The following JARID2 variants were observed in gnomAD, a reference collection of about 807,000 sequenced individuals.
JARID2 encodes the protein jumonji and AT-rich interaction domain containing 2.
In JARID2, 21 loss-of-function variants were observed where a neutral mutation model predicts 125.6. That is an observed-to-expected ratio of 0.17 (90% CI 0.12 to 0.24). The LOEUF (loss-of-function observed/expected upper bound fraction) is 0.24, where lower values mean the gene tolerates loss of function less well. JARID2 is among the 10% of genes least tolerant of loss of function. The pLI is 1.00. For synonymous variants in JARID2, 736 were observed against 661.6 expected (o/e 1.11, Z -1.73); for missense variants, 1,303 against 1,639.6 (o/e 0.79, Z 3.55).
chr6:15,486,290 A>T (rs1769861713), intron 5 of JARID2, among the ~76,000 whole-genome samples: 2 of 152,256 alleles, frequency 1.3e-5, no homozygotes, highest in South Asian at 4.1e-4. Flanking sequence ...TGTAAAGCAG[A>T]AGGATAAACC....
At chr6:15,371,864 A>G (rs1764183525) in intron 1 of JARID2, among the ~76,000 whole-genome samples, 1 of 152,206 alleles carries the variant, frequency 6.6e-6, no homozygotes. Flanking sequence ...GAGAGCGGAC[A>G]GGAAGACTGG....
intron 2 of JARID2, among the ~76,000 whole-genome samples, chr6:15,401,759 G>T (rs958595876): frequency 1.3e-5 from 2 of 152,132 alleles, no homozygotes; most frequent in Admixed American, 1.3e-4. Flanking sequence ...AATGTTTGGT[G>T]CCTCAAATCT....
intron 2 of JARID2, among the ~76,000 whole-genome samples, chr6:15,406,706 C>T (rs1290189234): frequency 3.3e-5 from 5 of 152,128 alleles, no homozygotes; most frequent in Admixed American, 1.3e-4. Context: ...TACATAAAAT[C>T]GTTTAATATT....
intron 4 of JARID2, among the ~76,000 whole-genome samples, chr6:15,462,070 G>A (rs1407037761): frequency 4.6e-5 from 7 of 152,060 alleles, no homozygotes; most frequent in East Asian, 1.9e-4. Context: ...TTAAGTGAAC[G>A]TTTTACATTC....
intron 4 of JARID2, among the ~76,000 whole-genome samples, chr6:15,456,334 A>G (rs1768175519): frequency 6.6e-6 from 1 of 152,186 alleles, no homozygotes; most frequent in African/African-American, 2.4e-5. Context: ...TCATCTTTTC[A>G]TAGATAAAAT....
chr6:15,370,285 A>G (rs577550193), intron 1 of JARID2, among the ~76,000 whole-genome samples: 2 of 146,356 alleles, frequency 1.4e-5, no homozygotes, highest in Admixed American at 6.8e-5. Flanking sequence ...GGGTGTATGT[A>G]TTTTGAGTTT....
At chr6:15,269,276 TG>T (rs201914982) in intron 1 of JARID2, among the ~76,000 whole-genome samples, 2 of 151,684 alleles carry the variant, frequency 1.3e-5, no homozygotes, top group Admixed American at 6.6e-5. Context: ...GCATTCTTGT[TG>T]GGGGGGGCGG....
chr6:15,438,587 C>T (rs1025871585), intron 3 of JARID2, among the ~76,000 whole-genome samples: 2 of 152,194 alleles, frequency 1.3e-5, no homozygotes, highest in Non-Finnish European at 2.9e-5. Context: ...GTGGTTCCTC[C>T]TGGCAGCCCC....
At chr6:15,330,931 AT>A (rs1762686144) in intron 1 of JARID2, among the ~76,000 whole-genome samples, 1 of 151,826 alleles carries the variant, frequency 6.6e-6, no homozygotes, top group South Asian at 2.1e-4. Context: ...AAAGAGTGTT[AT>A]GTGTTGTAAT....
chr6:15,278,134 A>T (rs1040164612), intron 1 of JARID2, among the ~76,000 whole-genome samples: 14 of 152,132 alleles, frequency 9.2e-5, no homozygotes, highest in African/African-American at 3.1e-4. Flanking sequence ...AAGCAGGAGA[A>T]TCCCAGGCTG....
chr6:15,308,089 G>A (rs1052196984), intron 1 of JARID2, among the ~76,000 whole-genome samples: 1 of 152,100 alleles, frequency 6.6e-6, no homozygotes, highest in Admixed American at 6.5e-5. Context: ...TTTCTGAAAG[G>A]GTGCAGGGAA....
chr6:15,446,253 A>G (rs1767667064), intron 3 of JARID2, among the ~76,000 whole-genome samples: 1 of 152,202 alleles, frequency 6.6e-6, no homozygotes. Context: ...AGGCCTGTAT[A>G]TAGAAGTGGA....
In JARID2 at chr6:15,504,227, C is replaced by T. The variant is rs568359365; in HGVS notation, c.2449-273C>T. 2.4e-3 allele frequency among the ~76,000 whole-genome samples: 369 copies of T among 152,324 alleles called. 3 individuals are homozygous for T. Among genetic ancestry groups the T allele is most frequent in the African/African-American group, 8.2e-3 (339 of 41,578 alleles). On this transcript the variant is annotated intron_variant, in intron 8 of 17. Transcript: ENST00000341776. The stretch of plus-strand genomic sequence containing the variant: ...GCCTTCCGCGCTTCTGCTGTGCGTC[C>T]GCTCAGGGCCTCTGGGCGGCAGCCT...
Position 15,521,074 on chromosome 6 carries a change from A to G in JARID2, c.*823A>G, listed in dbSNP as rs1363344281. Reference sequence around the variant, plus strand: ...CTTCAATAGCATCCTTAAGATTTAAAAAAAAAAAAAAAAAAAAGGAAAAAA... The same window carrying G: ...CTTCAATAGCATCCTTAAGATTTAAGAAAAAAAAAAAAAAAAAGGAAAAAA... On this transcript the variant is annotated 3_prime_UTR_variant, in exon 18 of 18. Transcript: ENST00000341776. 1 of 153,304 alleles carries G rather than the reference A, an allele frequency of 6.5e-6. No homozygotes were observed. The highest frequency in any genetic ancestry group is 1.4e-5 in the Non-Finnish European group (1 of 70,612). 9.5% of individuals were successfully genotyped at this position (153,304 alleles called of 1,614,324 possible).
At chr6:15,454,457 A>G (rs1322474916) in intron 4 of JARID2, among the ~76,000 whole-genome samples, 5 of 152,176 alleles carry the variant, frequency 3.3e-5, no homozygotes, top group African/African-American at 4.8e-5. Context: ...GTTTATCTCC[A>G]TTAGCTTTTT....
chr6:15,378,607 A>G (rs2127523436), intron 2 of JARID2, among the ~76,000 whole-genome samples: 1 of 152,330 alleles, frequency 6.6e-6, no homozygotes, highest in Admixed American at 6.5e-5. Flanking sequence ...TCACAGTAGC[A>G]GAATTGGAAT....
At chr6:15,374,310 G>T in intron 2 of JARID2, 58 bp downstream of exon 2, 1 of 1,581,648 alleles carries the variant, frequency 6.3e-7, no homozygotes, top group South Asian at 1.1e-5. Context: ...GCGTGGACTT[G>T]TTCCTGAATT....
rs140288132 is a variant in JARID2, at chr6:15,497,570, G to C, written c.1945+400G>C. ...AGAGGCTGAGGCAGGAGAATGGCGT[G>C]AACCCAGGAGGCGGAGCTTGCAGTG... On this transcript the variant is annotated intron_variant, in intron 7 of 17. Transcript: ENST00000341776. 4.9e-3 allele frequency among the ~76,000 whole-genome samples: 743 copies of C among 151,266 alleles called. 9 individuals are homozygous for C. Among genetic ancestry groups the C allele is most frequent in the African/African-American group, 0.017 (685 of 41,170 alleles).
intron 2 of JARID2, among the ~76,000 whole-genome samples, chr6:15,387,683 T>C (rs1009067871): frequency 2.0e-5 from 3 of 152,126 alleles, no homozygotes; most frequent in African/African-American, 7.2e-5. Context: ...ATCTGCAGCA[T>C]GTTTTCTTTC....
Sources: gnomAD v4.1 joint callset for allele counts (sites outside exome capture counted in the v4.1 genomes callset) on GRCh38, gnomAD v4.1.1 for gene constraint, MANE v1.5 for transcripts, NCBI Gene and HGNC (gene_info 2026-07-23, HGNC 2026-07-21) for gene names.